PLAA: variants seen among roughly 807,000 people sequenced by gnomAD.
PLAA encodes phospholipase A2 activating protein.
In PLAA, 48 loss-of-function variants were observed where a neutral mutation model predicts 84.1. The observed-to-expected ratio is 0.57, with a 90% CI of 0.45 to 0.73. The LOEUF is 0.73. PLAA is among the 30% of genes least tolerant of loss of function. PLAA has a pLI of 0.00. For synonymous variants in PLAA, 392 were observed against 336.6 expected, an observed-to-expected ratio of 1.16 and a Z score of -1.80; for missense variants, 903 against 954.7, an observed-to-expected ratio of 0.95 and a Z score of 0.71.
intron 6 of PLAA, among the ~76,000 whole-genome samples, chr9:26,924,655 C>G (rs1445786641): frequency 6.6e-6 from 1 of 152,170 alleles, no homozygotes; most frequent in East Asian, 1.9e-4. Context: ...ACACTGATGA[C>G]AATCTCCCTC....
chr9:26,911,102 C>T (rs530525675), intron 11 of PLAA, among the ~76,000 whole-genome samples: 1 of 151,780 alleles, frequency 6.6e-6, no homozygotes, highest in South Asian at 2.1e-4. Flanking sequence ...GCAGGATGTG[C>T]AAGTTTGTTA....
chr9:26,915,797 T>A, intron 10 of PLAA: 2 of 985,376 alleles, frequency 2.0e-6, no homozygotes, highest in Non-Finnish European at 2.4e-6. Flanking sequence ...CCCCAGGAGT[T>A]TTCTTGATTT....
rs2131379619 is a variant in PLAA at position 26,919,427 on chromosome 9, A to G, written c.1300T>C (p.Leu434=). Residue 434 remains leucine (L), a synonymous_variant, in exon 9 of 14, where the codon TTA becomes CTA. Transcript: ENST00000397292. ...ATAGGATTCAAATCATTCTTCTGTA[A>G]GAAGTTGTATGCAGTTAACCAAGGG... is the stretch of plus-strand genomic sequence containing the variant. ...DDPWLTAYNF[L]QKNDLNPMFL... The G allele has an allele frequency of 1.2e-6, 2 of 1,612,258 alleles. No individual in the cohort carries two copies. The highest frequency in any genetic ancestry group is 1.7e-6 in the Non-Finnish European group (2 of 1,178,450).
At chr9:26,910,886 T>C (rs1249778936) in intron 11 of PLAA, among the ~76,000 whole-genome samples, 1 of 152,162 alleles carries the variant, frequency 6.6e-6, no homozygotes, top group Non-Finnish European at 1.5e-5. Context: ...TATATGAAAC[T>C]TTCCATTTTC....
At position 26,925,915 on chromosome 9, in the gene PLAA, T is replaced by A; in HGVS notation, c.779A>T (p.His260Leu). 1 of 1,613,568 alleles carries A rather than the reference T, an allele frequency of 6.2e-7. No individual in the cohort carries two copies. The highest frequency in any genetic ancestry group is 8.5e-7 in the Non-Finnish European group (1 of 1,179,466). The change falls in exon 6 of 14, where the codon CAT (histidine) becomes CTT (leucine). Residue 260 changes from histidine to leucine, a missense_variant. Physicochemically the swap from His to Leu is moderately conservative, Grantham distance 99. Coordinates refer to ENST00000397292, the MANE Select transcript of PLAA (RefSeq NM_001031689.3). The stretch of plus-strand genomic sequence containing the variant: ...TCGGATAGTTTGAGCACATTCCCCA[T>A]GTTTCCAGATTCTCAGAGATCTGTC... Reference protein sequence around the residue: ...AEDRSLRIWKHGECAQTIRLP... With the variant: ...AEDRSLRIWKLGECAQTIRLP...
intron 1 of PLAA, among the ~76,000 whole-genome samples, chr9:26,940,448 C>A (rs567423248): frequency 4.0e-4 from 61 of 152,274 alleles, no homozygotes; most frequent in African/African-American, 1.5e-3. Context: ...TTAGAGCTGT[C>A]AAAATCATAC....
At chr9:26,911,221 C>T (rs768769775) in intron 11 of PLAA, among the ~76,000 whole-genome samples, 1 of 152,108 alleles carries the variant, frequency 6.6e-6, no homozygotes, top group Non-Finnish European at 1.5e-5. Context: ...GGCGTAATCT[C>T]GGCTCACTGC....
chr9:26,932,028 A>G (rs1825202144), intron 2 of PLAA, among the ~76,000 whole-genome samples: 1 of 152,248 alleles, frequency 6.6e-6, no homozygotes, highest in South Asian at 2.1e-4. Flanking sequence ...CAGAGGTTAC[A>G]GTGAGCTGAA....
intron 6 of PLAA, among the ~76,000 whole-genome samples, chr9:26,925,562 T>C (rs1268743817): frequency 6.6e-6 from 1 of 152,380 alleles, no homozygotes; most frequent in Admixed American, 6.5e-5. Flanking sequence ...ACTTCTTTTG[T>C]AGTCAATATC....
chr9:26,916,654 T>A (rs1016411084), intron 10 of PLAA: 18 of 990,214 alleles, frequency 1.8e-5, no homozygotes, highest in Non-Finnish European at 2.2e-5. Flanking sequence ...TGGTAGCATC[T>A]CGCCAGTGAT....
intron 2 of PLAA, among the ~76,000 whole-genome samples, chr9:26,928,838 T>A (rs1292214135): frequency 1.3e-5 from 2 of 152,226 alleles, no homozygotes; most frequent in Non-Finnish European, 2.9e-5. Context: ...TGTCCAAAAG[T>A]AATGAAGTGG....
At chr9:26,910,551 G>C in intron 11 of PLAA, 112 bp from the exon 12 acceptor site, 1 of 597,788 alleles carries the variant, frequency 1.7e-6, no homozygotes, top group Non-Finnish European at 2.8e-6. Flanking sequence ...TATTCAGTGC[G>C]TGCAATAAAC....
chr9:26,939,123 T>G (rs1037585265), intron 1 of PLAA, among the ~76,000 whole-genome samples: 1 of 152,322 alleles, frequency 6.6e-6, no homozygotes, highest in South Asian at 2.1e-4. Context: ...GCGCCGTGGC[T>G]CACGCCTGTA....
chr9:26,908,329 G>A (rs764046248), intron 12 of PLAA, among the ~76,000 whole-genome samples: 3 of 149,694 alleles, frequency 2.0e-5, no homozygotes, highest in Admixed American at 1.3e-4. Flanking sequence ...ACCATGCCTG[G>A]CTAATTTTTT....
Position 26,947,007 on chromosome 9 carries a change from C to A in PLAA, c.39G>T (p.Ser13=). Reference sequence around the variant, plus strand: ...GTACGTCCAGCTCGTGGCCCCGGAGCGAGCAGCTCAGCCGGTACCTGGTTG... The same window carrying A: ...GTACGTCCAGCTCGTGGCCCCGGAGAGAGCAGCTCAGCCGGTACCTGGTTG... ...SGATRYRLSC[S]LRGHELDVRG... Residue 13 remains serine, a synonymous_variant, in exon 1 of 14, where the codon TCG becomes TCT. Coordinates refer to ENST00000397292, the MANE Select transcript of PLAA (RefSeq NM_001031689.3). 1.3e-6 allele frequency: 2 copies of A among 1,593,774 alleles called. No individual in the cohort carries two copies. Among genetic ancestry groups the A allele is most frequent in the Non-Finnish European group, 1.7e-6 (2 of 1,170,994 alleles).
chr9:26,934,925 TA>T (rs1825311045), intron 2 of PLAA, 87 bp downstream of exon 2: 2 of 1,024,018 alleles, frequency 2.0e-6, no homozygotes, highest in Admixed American at 2.7e-5. Context: ...CAAAATATAA[TA>T]AAAACTTGAG....
intron 2 of PLAA, among the ~76,000 whole-genome samples, chr9:26,934,458 T>G (rs1393701606): frequency 6.7e-6 from 1 of 150,146 alleles, no homozygotes; most frequent in African/African-American, 2.4e-5. Context: ...TAGCCTCTTT[T>G]ATTACTGAAC....
intron 2 of PLAA, among the ~76,000 whole-genome samples, chr9:26,933,585 G>A (rs986280198): frequency 2.0e-5 from 3 of 151,814 alleles, no homozygotes; most frequent in Admixed American, 1.3e-4. Context: ...TCAGGAGATC[G>A]AGATCATCCT....
rs370454364 is a variant in PLAA at position 26,909,867 on chromosome 9, G to A, written c.1657+471C>T. 3.3e-4 allele frequency among the ~76,000 whole-genome samples: 50 copies of A among 152,116 alleles called. No homozygotes were observed. The South Asian group carries it at 6.2e-3, about 19-fold the overall frequency. ...TCGAACTCCTGACCTTAGGCAGTCC[G>A]CCCGCCTTGGCCTCCCAAAGTGCTG... On this transcript the variant is annotated intron_variant, in intron 12 of 13. Coordinates refer to ENST00000397292, the MANE Select transcript of PLAA (RefSeq NM_001031689.3).
Sources: gnomAD v4.1 joint callset for allele counts (sites outside exome capture counted in the v4.1 genomes callset) on GRCh38, gnomAD v4.1.1 for gene constraint, MANE v1.5 for transcripts, NCBI Gene and HGNC (gene_info 2026-07-23, HGNC 2026-07-21) for gene names.